Variants in ATP2B3 observed in about 807,000 individuals in gnomAD.
The protein encoded by ATP2B3 is plasma membrane calcium-transporting ATPase 3.
ATP2B3 carries 12 observed loss-of-function variants against 70.8 expected under a neutral mutation model. That is an observed-to-expected ratio of 0.17 (90% CI 0.11 to 0.27). ATP2B3 has a LOEUF of 0.27. Ranked by LOEUF, ATP2B3 falls within the 10% of genes least tolerant of loss-of-function variation. The pLI is 1.00. For synonymous variants in ATP2B3, 460 were observed against 497.8 expected (o/e 0.92, Z 1.01); for missense variants, 858 against 1,118.5 (o/e 0.77, Z 3.32).
rs1009252448 is a variant in ATP2B3 at position 153,556,404 on chromosome X, A to G, written c.2312A>G (p.His771Arg). Reference protein sequence around the residue: ...VLARSSPTDKHTLVKGIIDST... With the variant: ...VLARSSPTDKRTLVKGIIDST... ...GCCCGGTCGTCTCCCACCGACAAGC[A>G]CACACTGGTCAAAGGTAGCCGAGCC... Residue 771 changes from histidine (H) to arginine (R), a missense_variant, in exon 15 of 22, where the codon CAC becomes CGC. Physicochemically the swap from His to Arg is conservative, Grantham distance 29. Transcript: ENST00000263519. The G allele has an allele frequency of 8.3e-7, 1 of 1,204,836 alleles. No homozygotes were observed.
intron 9 of ATP2B3, 46 bp from the exon 10 acceptor site, chrX:153,548,594 C>T: frequency 8.9e-7 from 1 of 1,122,175 alleles, no homozygotes. Flanking sequence ...CCCCTCCTTC[C>T]CTCACCCGTG....
intron 12 of ATP2B3, among the ~76,000 whole-genome samples, chrX:153,550,494 A>G (rs1224730583): frequency 2.7e-5 from 3 of 111,550 alleles, no homozygotes; most frequent in Admixed American, 9.5e-5. Flanking sequence ...CCCCAGGCCC[A>G]TGAGCAGCCC....
chrX:153,542,944 C>G (rs1162437620), intron 6 of ATP2B3, 99 bp from the exon 7 acceptor site: 1 of 1,084,745 alleles, frequency 9.2e-7, no homozygotes, highest in Admixed American at 2.7e-5. Context: ...CACCGCGTCC[C>G]TGCTTCCGGG....
rs2090917031 is a variant in ATP2B3 at position 153,581,045 on chromosome X, T to C, written c.*747T>C. On this transcript the variant is annotated 3_prime_UTR_variant, in exon 22 of 22. Transcript: ENST00000263519. ...GCATTCCTCTTATCAGGCATTTTCA[T>C]TTGGAAATTTCATTATTGAATGTAG... 1 of 109,558 alleles carries C rather than the reference T, an allele frequency of 9.1e-6. No individual in the cohort carries two copies. Among genetic ancestry groups the C allele is most frequent in the Non-Finnish European group, 1.9e-5 (1 of 52,499 alleles). The allele number at this position is 109,558 out of a possible 1,213,427, so 9.0% of individuals were successfully genotyped here. A position where few individuals can be genotyped will look rare whatever the true frequency, so the allele number is the denominator to read the frequency against.
chrX:153,527,742 G>A (rs1329550022), intron 2 of ATP2B3, among the ~76,000 whole-genome samples: 3 of 112,579 alleles, frequency 2.7e-5, no homozygotes, highest in Non-Finnish European at 3.8e-5. Context: ...GCCCCCGGCC[G>A]AACGGAATGT....
Position 153,559,932 on chromosome X carries a change from G to T in ATP2B3, c.2829G>T (p.Leu943=), listed in dbSNP as rs782034101. 1.7e-6 allele frequency: 2 copies of T among 1,209,787 alleles called. No homozygotes were observed. The highest frequency in any genetic ancestry group is 4.3e-5 in the Admixed American group (2 of 46,063). Residue 943 remains leucine (L), a synonymous_variant, in exon 18 of 22, where the codon CTG becomes CTT. Coordinates refer to ENST00000263519, the MANE Select transcript of ATP2B3 (RefSeq NM_001001344.3). The stretch of plus-strand genomic sequence containing the variant: ...ACCAGCTCGCCATCATCTTCACCCT[G>T]CTGTTTGTCGGTAGGCTGGCCAGGG... ...AVYQLAIIFT[L]LFVGELFFDI... is the part of the protein sequence containing the mutation.
intron 21 of ATP2B3, among the ~76,000 whole-genome samples, chrX:153,572,810 A>G (rs922781703): frequency 3.0e-4 from 34 of 111,687 alleles, no homozygotes; most frequent in Non-Finnish European, 5.7e-5. Flanking sequence ...CATATTCCGG[A>G]GAGCTGGTCA....
At chrX:153,537,911 G>C (rs182943747) in intron 3 of ATP2B3, among the ~76,000 whole-genome samples, 15 of 112,850 alleles carry the variant, frequency 1.3e-4, no homozygotes, top group Non-Finnish European at 2.6e-4. Context: ...GAGCTCTTGC[G>C]TGCCTGTGGA....
chrX:153,545,607 G>A (rs2090353124), intron 7 of ATP2B3, among the ~76,000 whole-genome samples: 1 of 112,598 alleles, frequency 8.9e-6, no homozygotes, highest in Admixed American at 9.4e-5. Context: ...GGAGGTGGAG[G>A]TTGCAGTGCT....
intron 2 of ATP2B3, among the ~76,000 whole-genome samples, 140 bp downstream of exon 2, chrX:153,518,691 CG>C: frequency 9.0e-6 from 1 of 110,813 alleles, no homozygotes. Flanking sequence ...GGCATGGCGC[CG>C]GGGCAGGTCA....
chrX:153,563,935 C>T lies in ATP2B3; in HGVS notation c.3160-986C>T, dbSNP rs1009795305. On this transcript the variant is annotated intron_variant, in intron 20 of 21. Coordinates refer to ENST00000263519, the MANE Select transcript of ATP2B3 (RefSeq NM_001001344.3). ...CACTGGCATAGACACACAAGACAGA[C>T]GAGACGTCTTGCTCTAGAACTCCAG... Among the ~76,000 whole-genome samples the T allele has an allele frequency of 4.4e-5, 5 of 112,953 alleles. No homozygotes were observed. The Admixed American group carries it at 4.6e-4, about 10-fold the overall frequency.
At chrX:153,573,694 T>C (rs1557020578) in intron 21 of ATP2B3, among the ~76,000 whole-genome samples, 1 of 112,757 alleles carries the variant, frequency 8.9e-6, no homozygotes, top group Non-Finnish European at 1.9e-5. Flanking sequence ...CAGAGACCTC[T>C]CAAGACTAAT....
chrX:153,566,668 G>A (rs1302904491), intron 21 of ATP2B3, among the ~76,000 whole-genome samples: 1 of 109,819 alleles, frequency 9.1e-6, no homozygotes, highest in Non-Finnish European at 1.9e-5. Context: ...TGAAGTCTAC[G>A]CTCCTGACCA....
rs2090290711 is a variant in ATP2B3 at position 153,542,038 on chromosome X, G to A, written c.664+112G>A. ...GGTTCTCCCCGGTGGCCTGCGTGTC[G>A]TCACCTGCCTTAGGAGGCGGGAGGT... On this transcript the variant is annotated intron_variant, in intron 5 of 21. Coordinates refer to ENST00000263519, the MANE Select transcript of ATP2B3 (RefSeq NM_001001344.3). 1.3e-5 allele frequency: 11 copies of A among 831,102 alleles called. No individual in the cohort carries two copies. In the Admixed American group the frequency reaches 1.6e-4, roughly 12 times the overall value. The allele number at this position is 831,102 out of a possible 1,213,427, so 68.5% of individuals were successfully genotyped here.
At chrX:153,574,750 C>G in intron 21 of ATP2B3, 1 of 330,749 alleles carries the variant, frequency 3.0e-6, no homozygotes, top group Non-Finnish European at 5.9e-6. Context: ...ACTGCAAACT[C>G]CAGCACTTGA....
Position 153,580,116 on chromosome X carries a change from G to T in ATP2B3, c.3481G>T (p.Asp1161Tyr). ...CACCCACAACATCCCGCTCATTGACGACACGGACGTGGACGAGAACGAGGA... is the reference window on the plus strand; with the variant it reads ...CACCCACAACATCCCGCTCATTGACTACACGGACGTGGACGAGAACGAGGA... ...DYTHNIPLID[D>Y]TDVDENEERL... is the part of the protein sequence containing the mutation. The change falls in exon 22 of 22, where the codon GAC becomes TAC. Residue 1161 changes from aspartate (D) to tyrosine (Y), a missense_variant. Transcript: ENST00000263519. The T allele has an allele frequency of 8.3e-7, 1 of 1,212,085 alleles. No individual in the cohort carries two copies. Among genetic ancestry groups the T allele is most frequent in the Non-Finnish European group, 1.1e-6 (1 of 895,591 alleles).
intron 6 of ATP2B3, among the ~76,000 whole-genome samples, chrX:153,542,722 A>T (rs1472734892): frequency 8.8e-6 from 1 of 113,220 alleles, no homozygotes; most frequent in Non-Finnish European, 1.9e-5. Flanking sequence ...AGGGGCCAGC[A>T]CAGCGCTGTG....
chrX:153,535,138 C>T (rs1383137025), intron 2 of ATP2B3, among the ~76,000 whole-genome samples: 2 of 113,086 alleles, frequency 1.8e-5, no homozygotes, highest in African/African-American at 6.4e-5. Context: ...CCCCGCCAAA[C>T]ACTGTGATGG....
chrX:153,521,022 C>T (rs2089951529), intron 2 of ATP2B3, among the ~76,000 whole-genome samples: 1 of 113,103 alleles, frequency 8.8e-6, no homozygotes, highest in African/African-American at 3.2e-5. Flanking sequence ...TCAGGGCACC[C>T]GGAAGCACTG....
Sources: gnomAD v4.1 joint callset for allele counts (sites outside exome capture counted in the v4.1 genomes callset) on GRCh38, gnomAD v4.1.1 for gene constraint, MANE v1.5 for transcripts, NCBI Gene and HGNC (gene_info 2026-07-23, HGNC 2026-07-21) for gene names.